SLC26A9: variants seen among roughly 807,000 people sequenced by gnomAD.
SLC26A9 encodes the protein anion transporter/exchanger protein 9.
Under a neutral mutation model 87.1 loss-of-function variants are expected in SLC26A9, and 46 were observed. The observed-to-expected ratio is 0.53, with a 90% confidence interval of 0.42 to 0.67. SLC26A9 has a LOEUF of 0.67. Ranked by LOEUF, SLC26A9 falls within the 30% of genes least tolerant of loss-of-function variation. SLC26A9 has a pLI of 0.00. For missense variants in SLC26A9, 927 were observed against 1,018.3 expected (o/e 0.91, Z 1.22); for synonymous variants, 437 against 409.1 (o/e 1.07, Z -0.82).
At chr1:205,919,864 C>T (rs1278464628) in intron 18 of SLC26A9, among the ~76,000 whole-genome samples, 1 of 152,058 alleles carries the variant, frequency 6.6e-6, no homozygotes, top group Non-Finnish European at 1.5e-5. Flanking sequence ...GAAATAGATC[C>T]CTTGAGAGAT....
At chr1:205,933,176 C>T (rs1405684893) in intron 2 of SLC26A9, 92 bp from the exon 3 acceptor site, 58 of 1,530,638 alleles carry the variant, frequency 3.8e-5, no homozygotes, top group Non-Finnish European at 5.2e-5. Flanking sequence ...TCATTTCATT[C>T]ATTGGTTCAT....
At chr1:205,935,388 T>G (rs1032102925) in intron 2 of SLC26A9, among the ~76,000 whole-genome samples, 16 of 152,098 alleles carry the variant, frequency 1.1e-4, no homozygotes, top group Non-Finnish European at 1.5e-5. Context: ...ATAACGTAGA[T>G]GCTCATCTAC....
At chr1:205,925,052 C>T (rs1194821811) in intron 12 of SLC26A9, among the ~76,000 whole-genome samples, 1 of 152,250 alleles carries the variant, frequency 6.6e-6, no homozygotes, top group African/African-American at 2.4e-5. Flanking sequence ...CCTCAGCCCC[C>T]TAAAGTGCTA....
At chr1:205,935,653 T>G in intron 2 of SLC26A9, 43 bp downstream of exon 2, 1 of 1,610,946 alleles carries the variant, frequency 6.2e-7, no homozygotes, top group Non-Finnish European at 8.5e-7. Flanking sequence ...AGGATTTTGG[T>G]AGGGAGCAGA....
chr1:205,927,905 G>T lies in SLC26A9; in HGVS notation c.1098C>A (p.Asn366Lys), dbSNP rs1195157845. Residue 366 changes from asparagine (N) to lysine (K), a missense_variant, in exon 9 of 21, where the codon AAC becomes AAA. Transcript: ENST00000367135. ...TGCCGGGGGTGGCCAGAGCTACCTG[G>T]TTCGAATCCACGTCGTAGCCGTGCT... ...ANKHGYDVDSNQEMIALGCSN... is the reference protein window; with the variant it reads ...ANKHGYDVDSKQEMIALGCSN... 6.2e-7 allele frequency: 1 copy of T among 1,614,010 alleles called. No individual in the cohort carries two copies. The highest frequency in any genetic ancestry group is 8.5e-7 in the Non-Finnish European group (1 of 1,179,908).
chr1:205,934,113 A>T (rs531006944), intron 2 of SLC26A9, among the ~76,000 whole-genome samples: 2 of 152,068 alleles, frequency 1.3e-5, no homozygotes, highest in Non-Finnish European at 2.9e-5. Flanking sequence ...TTTCCCTGAC[A>T]CTCGGTCCCC....
At chr1:205,933,483 C>T (rs1659388863) in intron 2 of SLC26A9, among the ~76,000 whole-genome samples, 2 of 152,194 alleles carry the variant, frequency 1.3e-5, no homozygotes, top group Admixed American at 1.3e-4. Flanking sequence ...GCTGTGTGTG[C>T]ATCCTGTGTG....
intron 1 of SLC26A9, among the ~76,000 whole-genome samples, chr1:205,938,141 T>C (rs192363756): frequency 1.9e-3 from 284 of 151,960 alleles, no homozygotes; most frequent in African/African-American, 6.5e-3. Flanking sequence ...ACTTCCTCAG[T>C]GGTACCTTTC....
chr1:205,935,687 A>G lies in SLC26A9; in HGVS notation c.125+9T>C, dbSNP rs757533272. The G allele has an allele frequency of 3.7e-5, 60 of 1,613,798 alleles. No individual in the cohort carries two copies. Among genetic ancestry groups the G allele is most frequent in the Non-Finnish European group, 5.1e-5 (60 of 1,179,890 alleles). Reference sequence around the variant, plus strand: ...GAGGAGGCAGAAGTCTGGGCTCTGGACCAGTTACCTGAAGGCATTGCGAAG... The same window carrying G: ...GAGGAGGCAGAAGTCTGGGCTCTGGGCCAGTTACCTGAAGGCATTGCGAAG... On this transcript the variant is annotated intron_variant, in intron 2 of 20. Transcript: ENST00000367135.
chr1:205,939,218 G>A (rs1659639844), intron 1 of SLC26A9, among the ~76,000 whole-genome samples: 1 of 152,198 alleles, frequency 6.6e-6, no homozygotes, highest in Non-Finnish European at 1.5e-5. Flanking sequence ...GTCTCATTTT[G>A]CAGATAAAGA....
Position 205,928,874 on chromosome 1 carries a change from C to CT in SLC26A9, c.905dup (p.Met303AspfsTer81). On this transcript the variant is annotated frameshift_variant, in exon 8 of 21. Coordinates refer to ENST00000367135, the MANE Select transcript of SLC26A9 (RefSeq NM_052934.4). LOFTEE classifies it high-confidence loss of function. ...TCTGCATGTGATACTTTTTGGGCAT[C>CT]TTACAGCCCCCGGAGATAGCTGTTG... is the stretch of plus-strand genomic sequence containing the variant. 1 of 1,614,134 alleles carries CT rather than the reference C, an allele frequency of 6.2e-7. No individual in the cohort carries two copies. The highest frequency in any genetic ancestry group is 8.5e-7 in the Non-Finnish European group (1 of 1,180,020).
In SLC26A9 at chr1:205,919,635, G is replaced by A. The variant is rs117401400; in HGVS notation, c.2110+541C>T. ...TTGCTCCCACATCTCTGCACTTTGC[G>A]TACATGCTAGTCATGTAAATGTCTG... is the stretch of plus-strand genomic sequence containing the variant. On this transcript the variant is annotated intron_variant, in intron 18 of 20. Coordinates refer to ENST00000367135, the MANE Select transcript of SLC26A9 (RefSeq NM_052934.4). 3.9e-5 allele frequency among the ~76,000 whole-genome samples: 6 copies of A among 152,234 alleles called. No homozygotes were observed. The East Asian group carries it at 5.8e-4, about 15-fold the overall frequency.
Position 205,915,549 on chromosome 1 carries a change from C to T in SLC26A9, c.2329-145G>A, listed in dbSNP as rs59214290. 5,212 of 840,768 alleles carry T rather than the reference C, an allele frequency of 6.2e-3. 68 individuals are homozygous for T. In the African/African-American group the frequency reaches 0.07, roughly 11 times the overall value. The allele number at this position is 840,768 out of a possible 1,614,324, so 52.1% of individuals were successfully genotyped here. A position where few individuals can be genotyped will look rare whatever the true frequency, so the allele number is the denominator to read the frequency against. On this transcript the variant is annotated intron_variant, in intron 20 of 20. Transcript: ENST00000367135. ...GTGTGTGTGTGTGTGTGTGTGTGTG[C>T]GAGAGTGTGTGTGAACAGGGGAGAG...
rs1374559098 is a variant in SLC26A9 at position 205,914,895 on chromosome 1, T to C, written c.*462A>G. On this transcript the variant is annotated 3_prime_UTR_variant, in exon 21 of 21. Coordinates refer to ENST00000367135, the MANE Select transcript of SLC26A9 (RefSeq NM_052934.4). Reference sequence around the variant, plus strand: ...AGAGTCCTAACCAAGTTTATCCCTATGTCCGTGACAGCCTGACACCATCTG... The same window carrying C: ...AGAGTCCTAACCAAGTTTATCCCTACGTCCGTGACAGCCTGACACCATCTG... 2 of 1,609,198 alleles carry C rather than the reference T, an allele frequency of 1.2e-6. No individual in the cohort carries two copies. Among genetic ancestry groups the C allele is most frequent in the African/African-American group, 2.7e-5 (2 of 74,872 alleles).
intron 1 of SLC26A9, among the ~76,000 whole-genome samples, chr1:205,938,711 C>T (rs1326646479): frequency 6.6e-6 from 1 of 152,190 alleles, no homozygotes; most frequent in East Asian, 1.9e-4. Context: ...CTCCAACCCT[C>T]TCCTTCCTCT....
chr1:205,921,554 C>G lies in SLC26A9; in HGVS notation c.2055+12G>C, dbSNP rs777825817. ...TGGAGTGGGTGGTGCTTGCTGTTCC[C>G]GAGGGCCTCACCTTGGCCAGGGCCT... On this transcript the variant is annotated intron_variant, in intron 17 of 20. Transcript: ENST00000367135. The G allele has an allele frequency of 1.9e-6, 3 of 1,601,992 alleles. No homozygotes were observed. In the South Asian group the frequency reaches 3.3e-5, roughly 18 times the overall value.
chr1:205,937,967 T>C (rs1659586173), intron 1 of SLC26A9, among the ~76,000 whole-genome samples: 1 of 151,768 alleles, frequency 6.6e-6, no homozygotes, highest in Admixed American at 6.6e-5. Flanking sequence ...AGGTGATGGG[T>C]GATCTTGCTT....
chr1:205,920,971 C>T (rs866273445), intron 17 of SLC26A9, among the ~76,000 whole-genome samples: 3 of 152,238 alleles, frequency 2.0e-5, no homozygotes, highest in Non-Finnish European at 2.9e-5. Context: ...GCCTGCCCTG[C>T]GCCTGGTTGA....
chr1:205,936,575 A>T (rs1231914324), intron 1 of SLC26A9, among the ~76,000 whole-genome samples: 1 of 152,118 alleles, frequency 6.6e-6, no homozygotes, highest in Non-Finnish European at 1.5e-5. Flanking sequence ...AGGGCCCCTG[A>T]GGCCCGGAGG....
Sources: allele counts gnomAD v4.1 joint callset (sites outside exome capture counted in the v4.1 genomes callset), GRCh38; gene constraint gnomAD v4.1.1; transcripts MANE v1.5; gene names NCBI Gene and HGNC (gene_info 2026-07-23, HGNC 2026-07-21).